Variants in DLGAP2 observed in about 807,000 individuals in gnomAD.
The protein encoded by DLGAP2 is DLG associated protein 2.
DLGAP2 carries 26 observed loss-of-function variants against 100.3 expected under a neutral mutation model. That is an observed-to-expected ratio of 0.26 (90% CI 0.19 to 0.36). DLGAP2 has a LOEUF of 0.36. Ranked by LOEUF, DLGAP2 falls within the 10% of genes least tolerant of loss-of-function variation. The pLI, the probability that DLGAP2 is intolerant of heterozygous loss-of-function variation, is 1.00. For missense variants in DLGAP2, 1,858 were observed against 1,453.2 expected, an observed-to-expected ratio of 1.28 and a Z score of -4.53; for synonymous variants, 886 against 630.1, an observed-to-expected ratio of 1.41 and a Z score of -6.08.
chr8:1,515,243 A>G (rs1356179053), intron 4 of DLGAP2, among the ~76,000 whole-genome samples: 1 of 152,194 alleles, frequency 6.6e-6, no homozygotes, highest in African/African-American at 2.4e-5. Flanking sequence ...TTTCAGGGCC[A>G]AGGTGTCTTT....
chr8:1,051,188 C>A (rs1446540514), intron 2 of DLGAP2, among the ~76,000 whole-genome samples: 1 of 152,022 alleles, frequency 6.6e-6, no homozygotes, highest in African/African-American at 2.4e-5. Context: ...TTGTCAGCAC[C>A]ACCTCGAAGC....
Position 1,408,789 on chromosome 8 carries a change from C to A in DLGAP2, c.107-92577C>A, listed in dbSNP as rs7840515. Among the ~76,000 whole-genome samples the A allele has an allele frequency of 8.7e-3, 1,321 of 152,130 alleles. 17 individuals carry two copies. Among genetic ancestry groups the A allele is most frequent in the African/African-American group, 0.03 (1,254 of 41,490 alleles). ...CGTGGCAGCTCTACCACCAAGAGAC[C>A]CTTCGTCTGTCACTTTCACTGCGTT... On this transcript the variant is annotated intron_variant, in intron 3 of 14. Transcript: ENST00000637795.
At chr8:981,294 G>C (rs1800324787) in intron 2 of DLGAP2, among the ~76,000 whole-genome samples, 1 of 152,126 alleles carries the variant, frequency 6.6e-6, no homozygotes, top group South Asian at 2.1e-4. Flanking sequence ...TGTAGGCATA[G>C]ACCATATTCT....
At chr8:1,343,101 G>T (rs1382509914) in intron 3 of DLGAP2, among the ~76,000 whole-genome samples, 4 of 152,164 alleles carry the variant, frequency 2.6e-5, no homozygotes, top group African/African-American at 7.2e-5. Flanking sequence ...CTTAGTAGAT[G>T]GTGCTTAATT....
At chr8:1,149,056 C>A (rs1282703543) in intron 2 of DLGAP2, among the ~76,000 whole-genome samples, 1 of 152,126 alleles carries the variant, frequency 6.6e-6, no homozygotes, top group Middle Eastern at 3.2e-3. Flanking sequence ...ATTTTTGCAT[C>A]TGATATTTTG....
intron 3 of DLGAP2, among the ~76,000 whole-genome samples, chr8:1,470,657 G>A (rs4875862): frequency 0.65 from 97,221 of 149,462 alleles, 31,908 homozygotes; most frequent in Middle Eastern, 0.73. Flanking sequence ...CTAATCTCTC[G>A]GCACAATCCT....
chr8:1,158,354 A>G (rs1483961826), intron 2 of DLGAP2, among the ~76,000 whole-genome samples: 5 of 152,346 alleles, frequency 3.3e-5, no homozygotes, highest in East Asian at 3.9e-4. Context: ...ATGTATGTAC[A>G]TATGTAATCT....
intron 2 of DLGAP2, chr8:1,002,730 C>G (rs925453128): frequency 6.6e-6 from 1 of 152,252 alleles, no homozygotes; most frequent in Non-Finnish European, 1.5e-5. Context: ...ACTGAGAAGT[C>G]GTGGATGATA....
At chr8:1,072,428 G>T (rs1215238304) in intron 2 of DLGAP2, among the ~76,000 whole-genome samples, 1 of 152,212 alleles carries the variant, frequency 6.6e-6, no homozygotes, top group Non-Finnish European at 1.5e-5. Flanking sequence ...TTTACTGGGT[G>T]TCCTCCAATG....
chr8:1,476,384 C>G (rs1227874850), intron 3 of DLGAP2, among the ~76,000 whole-genome samples: 1 of 151,958 alleles, frequency 6.6e-6, no homozygotes, highest in African/African-American at 2.4e-5. Flanking sequence ...AAATCTATTC[C>G]CATCGCGCCT....
In DLGAP2 at chr8:1,256,441, C is replaced by T. The variant is rs74187400; in HGVS notation, c.74-2410C>T. Among the ~76,000 whole-genome samples the T allele has an allele frequency of 2.3e-3, 327 of 141,140 alleles. 15 individuals carry two copies. In the East Asian group the frequency reaches 0.062, roughly 27 times the overall value. The allele number at this position is 141,140 out of a possible 152,430, so 92.6% of individuals were successfully genotyped here. The stretch of plus-strand genomic sequence containing the variant: ...TGCTTGGGCGCTGTGCGTCTGTCCT[C>T]TCCTGCCCAGGTGCTGTGCGTGTCC... On this transcript the variant is annotated intron_variant, in intron 2 of 14. Coordinates refer to ENST00000637795, the MANE Select transcript of DLGAP2 (RefSeq NM_001346810.2).
intron 6 of DLGAP2, among the ~76,000 whole-genome samples, chr8:1,605,737 G>A (rs1238945175): frequency 6.6e-6 from 1 of 152,202 alleles, no homozygotes; most frequent in African/African-American, 2.4e-5. Flanking sequence ...CCATGATGGG[G>A]TGAGAACCGA....
At chr8:1,270,176 G>T (rs964000250) in intron 3 of DLGAP2, among the ~76,000 whole-genome samples, 1 of 152,134 alleles carries the variant, frequency 6.6e-6, no homozygotes, top group Non-Finnish European at 1.5e-5. Context: ...AAGATGGGAA[G>T]CCGTGTGCAG....
intron 6 of DLGAP2, among the ~76,000 whole-genome samples, chr8:1,600,109 T>G (rs181959478): frequency 1.8e-4 from 27 of 152,300 alleles, no homozygotes; most frequent in Admixed American, 1.0e-3. Context: ...TGTAAAGGAT[T>G]TTATTTCTCC....
chr8:1,142,157 A>C (rs1412764356), intron 2 of DLGAP2, among the ~76,000 whole-genome samples: 3 of 151,824 alleles, frequency 2.0e-5, no homozygotes, highest in African/African-American at 7.3e-5. Context: ...CATTTTATTT[A>C]AGGATTTGAA....
chr8:1,007,759 G>C (rs1801164170), intron 2 of DLGAP2, among the ~76,000 whole-genome samples: 1 of 152,158 alleles, frequency 6.6e-6, no homozygotes, highest in Admixed American at 6.5e-5. Context: ...TGGGTGTATA[G>C]TGAACTGTAT....
intron 2 of DLGAP2, among the ~76,000 whole-genome samples, chr8:1,229,757 A>G (rs1365520917): frequency 6.6e-6 from 1 of 152,234 alleles, no homozygotes; most frequent in Non-Finnish European, 1.5e-5. Flanking sequence ...AAACAGAATT[A>G]CAAACAAAAA....
At chr8:1,654,744 A>T (rs936184748) in intron 8 of DLGAP2, among the ~76,000 whole-genome samples, 2 of 151,800 alleles carry the variant, frequency 1.3e-5, no homozygotes, top group Non-Finnish European at 2.9e-5. Context: ...TATGTTGCTG[A>T]TATGTTTCTG....
intron 3 of DLGAP2, among the ~76,000 whole-genome samples, chr8:1,364,358 C>G (rs1213801035): frequency 2.6e-5 from 4 of 152,186 alleles, no homozygotes; most frequent in Admixed American, 1.3e-4. Context: ...TCGTGATCGT[C>G]AAGGGCTGCC....
Sources: gnomAD v4.1 joint callset for allele counts (sites outside exome capture counted in the v4.1 genomes callset) on GRCh38, gnomAD v4.1.1 for gene constraint, MANE v1.5 for transcripts, NCBI Gene and HGNC (gene_info 2026-07-23, HGNC 2026-07-21) for gene names.